Variants in PTPRG observed in about 807,000 individuals in gnomAD.
PTPRG encodes protein tyrosine phosphatase receptor type G, also known as receptor-type tyrosine-protein phosphatase gamma.
A neutral mutation model predicts 165.3 loss-of-function variants in PTPRG; 102 were observed. The ratio of observed to expected loss-of-function variants is 0.62; its 90% CI spans 0.53 to 0.73. The LOEUF (loss-of-function observed/expected upper bound fraction) is 0.73, where lower values mean the gene tolerates loss of function less well. PTPRG is among the 30% of genes least tolerant of loss of function. The probability of loss-of-function intolerance (pLI) is 0.00; values close to 1 mark genes in which losing one functional copy is unlikely to be tolerated. For missense variants in PTPRG, 1,866 were observed against 1,861.4 expected, an observed-to-expected ratio of 1.00 and a Z score of -0.05; for synonymous variants, 675 against 669.5, an observed-to-expected ratio of 1.01 and a Z score of -0.13.
chr3:62,004,623 A>T (rs1350036373), intron 4 of PTPRG, among the ~76,000 whole-genome samples: 2 of 152,194 alleles, frequency 1.3e-5, no homozygotes, highest in Admixed American at 1.3e-4. Context: ...GCAGCACCCG[A>T]TTAAAGCCTT....
intron 2 of PTPRG, among the ~76,000 whole-genome samples, chr3:61,971,818 C>T (rs1455579486): frequency 1.3e-5 from 2 of 152,132 alleles, no homozygotes; most frequent in African/African-American, 2.4e-5. Flanking sequence ...TAAATTATAC[C>T]TCAATAGAGT....
chr3:62,176,906 C>T (rs918808111), intron 8 of PTPRG, among the ~76,000 whole-genome samples: 2 of 152,212 alleles, frequency 1.3e-5, no homozygotes, highest in African/African-American at 4.8e-5. Context: ...ATCCTAGGAA[C>T]GATTCACTCC....
chr3:61,708,911 T>C lies in PTPRG; in HGVS notation c.86-39967T>C, dbSNP rs2031407215. Among the ~76,000 whole-genome samples the C allele has an allele frequency of 2.0e-5, 3 of 152,210 alleles. No homozygotes were observed. The South Asian group carries it at 6.2e-4, about 32-fold the overall frequency. ...GGGGCGCACTTGCCCTAAACCAAAA[T>C]CAAACAGGTTAATTTTTAAAATGTC... is the stretch of plus-strand genomic sequence containing the variant. On this transcript the variant is annotated intron_variant, in intron 1 of 29. Coordinates refer to ENST00000474889, the MANE Select transcript of PTPRG (RefSeq NM_002841.4).
At chr3:62,143,116 T>C in intron 6 of PTPRG, among the ~76,000 whole-genome samples, 1 of 152,196 alleles carries the variant, frequency 6.6e-6, no homozygotes, top group East Asian at 1.9e-4. Context: ...TCCATCTTGA[T>C]TGAAGCTCAT....
intron 2 of PTPRG, among the ~76,000 whole-genome samples, chr3:61,828,997 G>A (rs2036192294): frequency 6.6e-6 from 1 of 152,184 alleles, no homozygotes; most frequent in South Asian, 2.1e-4. Flanking sequence ...GGTTTTGTCA[G>A]CATCTGCATG....
intron 2 of PTPRG, among the ~76,000 whole-genome samples, chr3:61,961,624 CTG>C (rs1400001102): frequency 1.3e-5 from 2 of 152,116 alleles, no homozygotes; most frequent in African/African-American, 2.4e-5. Flanking sequence ...TAGAAACAGA[CTG>C]AGAAAATCCA....
Position 62,224,399 on chromosome 3 carries a change from G to A in PTPRG, c.2288+5416G>A, listed in dbSNP as rs1267269479. Among the ~76,000 whole-genome samples, 3 of 152,196 alleles carry A rather than the reference G, an allele frequency of 2.0e-5. No homozygotes were observed. The highest frequency in any genetic ancestry group is 2.9e-5 in the Non-Finnish European group (2 of 68,032). On this transcript the variant is annotated intron_variant, in intron 13 of 29. Transcript: ENST00000474889. The surrounding 1 kb of genome is among the most constrained non-coding windows in gnomAD (Gnocchi z 4.9). Reference sequence around the variant, plus strand: ...TGGAACACATATCTCCCAAACTGGTGTAGCAGGGATAGAGAAGTTGAGGAG... The same window carrying A: ...TGGAACACATATCTCCCAAACTGGTATAGCAGGGATAGAGAAGTTGAGGAG...
At chr3:62,059,014 T>C (rs1700720436) in intron 4 of PTPRG, among the ~76,000 whole-genome samples, 1 of 152,192 alleles carries the variant, frequency 6.6e-6, no homozygotes, top group South Asian at 2.1e-4. Context: ...GTGTCTGGCC[T>C]GATGAAGCAT....
chr3:61,609,517 G>A (rs191121011), intron 1 of PTPRG, among the ~76,000 whole-genome samples: 14 of 152,278 alleles, frequency 9.2e-5, no homozygotes, highest in Non-Finnish European at 1.6e-4. Flanking sequence ...ACAACTACAA[G>A]CACTCTACAT....
At chr3:62,183,699 G>A (rs1249117690) in intron 8 of PTPRG, among the ~76,000 whole-genome samples, 2 of 152,164 alleles carry the variant, frequency 1.3e-5, no homozygotes, top group Non-Finnish European at 2.9e-5. Context: ...TCTGATGGGG[G>A]AAGAGGCGAT....
At chr3:61,977,499 G>T (rs1376451410) in intron 2 of PTPRG, among the ~76,000 whole-genome samples, 3 of 152,082 alleles carry the variant, frequency 2.0e-5, no homozygotes, top group Non-Finnish European at 4.4e-5. Context: ...AAGTTGCCTT[G>T]TAATTTTTGT....
At chr3:62,041,990 G>A (rs1006456735) in intron 4 of PTPRG, among the ~76,000 whole-genome samples, 3 of 152,126 alleles carry the variant, frequency 2.0e-5, no homozygotes, top group Admixed American at 6.5e-5. Context: ...TTAAGCATCC[G>A]TTAAACACCC....
intron 2 of PTPRG, among the ~76,000 whole-genome samples, chr3:61,803,624 G>T (rs1167298285): frequency 6.6e-6 from 1 of 150,670 alleles, no homozygotes; most frequent in African/African-American, 2.4e-5. Context: ...AAGGATTTTT[G>T]TTGTTGTTGT....
At chr3:61,812,229 G>A (rs996582808) in intron 2 of PTPRG, among the ~76,000 whole-genome samples, 25 of 151,630 alleles carry the variant, frequency 1.6e-4, no homozygotes, top group Non-Finnish European at 4.4e-5. Context: ...GTGTGAAAAC[G>A]ATGATTTTTA....
At chr3:62,033,779 C>CT (rs1288283343) in intron 4 of PTPRG, among the ~76,000 whole-genome samples, 1 of 151,888 alleles carries the variant, frequency 6.6e-6, no homozygotes. Flanking sequence ...GATGATTCTT[C>CT]TTTTTTGAGA....
At chr3:61,752,795 A>AAAAAAAAAAAAAAG (rs1553660803) in intron 2 of PTPRG, among the ~76,000 whole-genome samples, 2 of 108,216 alleles carry the variant, frequency 1.8e-5, no homozygotes, top group African/African-American at 3.6e-5. Flanking sequence ...CAAAAAAAAA[A>AAAAAAAAAAAAAAG]AAAAAAGAAA....
At chr3:61,748,106 A>G (rs1442683254) in intron 1 of PTPRG, among the ~76,000 whole-genome samples, 2 of 152,220 alleles carry the variant, frequency 1.3e-5, no homozygotes, top group Non-Finnish European at 2.9e-5. Flanking sequence ...TCAAATATAC[A>G]TCACTAATCA....
intron 4 of PTPRG, among the ~76,000 whole-genome samples, chr3:62,031,427 C>G (rs1699766559): frequency 6.6e-6 from 1 of 152,074 alleles, no homozygotes. Context: ...TTGCAGAAGT[C>G]TCGGATGGCT....
At chr3:61,906,778 T>TGTAG (rs71123239) in intron 2 of PTPRG, among the ~76,000 whole-genome samples, 6,158 of 146,908 alleles carry the variant, frequency 0.042, 165 homozygotes, top group Admixed American at 0.058. Flanking sequence ...AGTGAGACCC[T>TGTAG]GTAGGTAGGT....
Sources: gnomAD v4.1 joint callset for allele counts (sites outside exome capture counted in the v4.1 genomes callset) on GRCh38, gnomAD v4.1.1 for gene constraint, Gnocchi (gnomAD v3.1) non-coding constraint, MANE v1.5 for transcripts, NCBI Gene and HGNC (gene_info 2026-07-23, HGNC 2026-07-21) for gene names.